The following HELQ variants were observed in gnomAD, a reference collection of about 807,000 sequenced individuals.
The protein encoded by HELQ is helicase POLQ-like.
HELQ carries 77 observed loss-of-function variants against 111.6 expected under a neutral mutation model. That is an observed-to-expected ratio of 0.69 (90% CI 0.57 to 0.83). The LOEUF (loss-of-function observed/expected upper bound fraction) is 0.83. Among genes scored for constraint, HELQ ranks in the 40% least tolerant of loss-of-function variants. HELQ has a pLI of 0.00. For synonymous variants in HELQ, 438 were observed against 454.7 expected (o/e 0.96, Z 0.47); for missense variants, 1,200 against 1,288.5 (o/e 0.93, Z 1.05).
At chr4:83,448,013 C>G (rs1024615249) in intron 3 of HELQ, among the ~76,000 whole-genome samples, 12 of 151,928 alleles carry the variant, frequency 7.9e-5, no homozygotes, top group African/African-American at 2.9e-4. Context: ...AGTTCGAGAC[C>G]AGCCTGTCCA....
rs764199145 is a variant in HELQ, at chr4:83,436,847, T to G, written c.2048+11A>C. The G allele has an allele frequency of 1.7e-5, 28 of 1,608,998 alleles. No individual in the cohort carries two copies. In the South Asian group the frequency reaches 2.5e-4, roughly 15 times the overall value. On this transcript the variant is annotated intron_variant, in intron 9 of 17. Transcript: ENST00000295488. The stretch of plus-strand genomic sequence containing the variant: ...AGTTCTGAGCCTGGTCAACACTTAC[T>G]TATCTCTTACCTTCGAGCTGGTAGG...
intron 9 of HELQ, among the ~76,000 whole-genome samples, chr4:83,433,742 G>A (rs1045831081): frequency 6.6e-6 from 1 of 150,532 alleles, no homozygotes; most frequent in African/African-American, 2.4e-5. Flanking sequence ...CCAGCACTTT[G>A]GAAGGCGAAG....
chr4:83,413,348 T>C (rs1309565677), intron 17 of HELQ, among the ~76,000 whole-genome samples: 1 of 152,192 alleles, frequency 6.6e-6, no homozygotes. Context: ...CTTGTTTTTT[T>C]GGGGAGAAAT....
chr4:83,445,967 C>G, intron 5 of HELQ, 47 bp downstream of exon 5: 1 of 1,180,048 alleles, frequency 8.5e-7, no homozygotes, highest in Non-Finnish European at 1.3e-6. Flanking sequence ...TTTTATAAGT[C>G]TCTTGATTAT....
chr4:83,411,357 C>G (rs1043564206), intron 17 of HELQ, among the ~76,000 whole-genome samples: 13 of 151,398 alleles, frequency 8.6e-5, no homozygotes, highest in Admixed American at 8.6e-4. Flanking sequence ...CACTCGTAAT[C>G]CCAGCATTTT....
At position 83,407,906 on chromosome 4, in the gene HELQ, A is replaced by G. The variant is rs17006796; in HGVS notation, c.3199-346T>C. On this transcript the variant is annotated intron_variant, in intron 17 of 17. Coordinates refer to ENST00000295488, the MANE Select transcript of HELQ (RefSeq NM_133636.5). ...TTGCAAAAATTTAATTAGCTCCTGAAAAATGTTATCCTTTATATATATGCA... is the reference window on the plus strand; with the variant it reads ...TTGCAAAAATTTAATTAGCTCCTGAGAAATGTTATCCTTTATATATATGCA... 4.4e-3 allele frequency among the ~76,000 whole-genome samples: 676 copies of G among 152,352 alleles called. 10 individuals carry two copies. The highest frequency in any genetic ancestry group is 0.015 in the African/African-American group (642 of 41,576).
At chr4:83,442,749 G>A (rs796242821) in intron 6 of HELQ, among the ~76,000 whole-genome samples, 1 of 151,676 alleles carries the variant, frequency 6.6e-6, no homozygotes, top group Non-Finnish European at 1.5e-5. Context: ...CAGGGGTCTC[G>A]CCATGTTGCC....
chr4:83,427,072 T>TCAGAGATG (rs1719887549), intron 13 of HELQ, among the ~76,000 whole-genome samples: 1 of 152,236 alleles, frequency 6.6e-6, no homozygotes, highest in Non-Finnish European at 1.5e-5. Flanking sequence ...CTCTAAATCA[T>TCAGAGATG]CAGAGATGGT....
intron 11 of HELQ, among the ~76,000 whole-genome samples, chr4:83,430,302 T>G (rs1435672680): frequency 7.4e-6 from 1 of 135,040 alleles, no homozygotes; most frequent in East Asian, 2.4e-4. Context: ...CAAAATAAAT[T>G]AAAAAAAGAA....
chr4:83,419,563 C>G (rs1034861475), intron 15 of HELQ, among the ~76,000 whole-genome samples: 2 of 147,440 alleles, frequency 1.4e-5, no homozygotes, highest in Non-Finnish European at 3.0e-5. Flanking sequence ...TAGGATTAGT[C>G]ATCAAATTAT....
chr4:83,408,988 G>A (rs1347513236), intron 17 of HELQ, among the ~76,000 whole-genome samples: 1 of 152,116 alleles, frequency 6.6e-6, no homozygotes, highest in African/African-American at 2.4e-5. Context: ...TGGGTGAAAA[G>A]GGAGGTGCCT....
intron 17 of HELQ, among the ~76,000 whole-genome samples, chr4:83,413,132 C>T (rs1055982859): frequency 6.6e-6 from 1 of 152,204 alleles, no homozygotes; most frequent in Non-Finnish European, 1.5e-5. Context: ...GTGCCACTTC[C>T]CCCATACCTT....
rs372548858 is a variant in HELQ at position 83,455,529 on chromosome 4, G to C, written c.165C>G (p.Thr55=). ...GTACCTCAACCGGCAGTACGCCCGC[G>C]GTTTTCCGCCTCCTGTTCTCAGCCA... is the stretch of plus-strand genomic sequence containing the variant. ...EMVAENRRRK[T]AGVLPVEVQP... is the part of the protein sequence containing the mutation. Residue 55 remains threonine, a synonymous_variant, in exon 1 of 18, where the codon ACC becomes ACG. Coordinates refer to ENST00000295488, the MANE Select transcript of HELQ (RefSeq NM_133636.5). The C allele has an allele frequency of 6.2e-7, 1 of 1,614,130 alleles. No homozygotes were observed. Among genetic ancestry groups the C allele is most frequent in the Admixed American group, 1.7e-5 (1 of 60,000 alleles).
intron 11 of HELQ, among the ~76,000 whole-genome samples, chr4:83,431,108 A>AAAAC (rs113083449): frequency 0.074 from 11,276 of 151,870 alleles, 1,402 homozygotes; most frequent in African/African-American, 0.26. Flanking sequence ...GATTAAAGAA[A>AAAAC]AAACAAACAA....
At chr4:83,424,578 A>C (rs554686819) in intron 14 of HELQ, among the ~76,000 whole-genome samples, 15 of 150,904 alleles carry the variant, frequency 9.9e-5, no homozygotes, top group African/African-American at 3.6e-4. Context: ...TTTTTTTTTG[A>C]GACAGAGTCT....
At chr4:83,413,111 AT>A (rs1279752015) in intron 17 of HELQ, among the ~76,000 whole-genome samples, 4 of 152,244 alleles carry the variant, frequency 2.6e-5, no homozygotes, top group African/African-American at 7.2e-5. Flanking sequence ...CAGGGAGGGC[AT>A]GAAAGCTCTG....
chr4:83,441,339 T>C lies in HELQ; in HGVS notation c.1628A>G (p.Asn543Ser). Residue 543 changes from asparagine (N) to serine (S), a missense_variant, in exon 7 of 18, where the codon AAT becomes AGT. Asn to Ser is a conservative substitution (Grantham distance 46). Around this residue, in one of 3 missense-constraint regions of HELQ, gnomAD observed 585 missense variants for 665.3 expected, o/e 0.88. Transcript: ENST00000295488. ...AAGAAGACGTGAAAAAGTCATGCCA[T>C]TCTCAGCTTTGCTGTCAACTTCATA... is the stretch of plus-strand genomic sequence containing the variant. ...TIYEVDSKAE[N>S]GMTFSRLLNY... The C allele has an allele frequency of 6.3e-7, 1 of 1,594,610 alleles. No individual in the cohort carries two copies. The highest frequency in any genetic ancestry group is 8.6e-7 in the Non-Finnish European group (1 of 1,165,056).
In HELQ at chr4:83,431,663, C is replaced by T; in HGVS notation, c.2295+1G>A. ...TAAGATAAAAAATTTAAGAAAAATA[C>T]CTTCAAACCAATCAAAGAGAGAAAT... On this transcript the variant is annotated splice_donor_variant, in intron 11 of 17. Coordinates refer to ENST00000295488, the MANE Select transcript of HELQ (RefSeq NM_133636.5). LOFTEE classifies it high-confidence loss of function. 1 of 1,505,120 alleles carries T rather than the reference C, an allele frequency of 6.6e-7. No individual in the cohort carries two copies. Among genetic ancestry groups the T allele is most frequent in the Non-Finnish European group, 9.0e-7 (1 of 1,109,674 alleles). 93.2% of individuals were successfully genotyped at this position (1,505,120 alleles called of 1,614,324 possible). A position where few individuals can be genotyped will look rare whatever the true frequency, so the allele number is the denominator to read the frequency against.
At chr4:83,449,799 G>A (rs1721251582) in intron 2 of HELQ, among the ~76,000 whole-genome samples, 1 of 151,470 alleles carries the variant, frequency 6.6e-6, no homozygotes, top group Admixed American at 6.6e-5. Context: ...ATAAATACAT[G>A]AGAAGATGCT....
Sources: allele counts gnomAD v4.1 joint callset (sites outside exome capture counted in the v4.1 genomes callset), GRCh38; gene constraint gnomAD v4.1.1; regional missense constraint gnomAD v4.1.1; transcripts MANE v1.5; gene names NCBI Gene and HGNC (gene_info 2026-07-23, HGNC 2026-07-21).